The following NF1 variants were observed in gnomAD, a reference collection of about 807,000 sequenced individuals.
NF1 encodes the protein neurofibromin.
NF1 carries 122 observed loss-of-function variants against 325.7 expected under a neutral mutation model. That is an observed-to-expected ratio of 0.37 (90% CI 0.32 to 0.44). The LOEUF (loss-of-function observed/expected upper bound fraction) is 0.44. Among genes scored for constraint, NF1 ranks in the 20% least tolerant of loss-of-function variants. NF1 has a pLI of 1.00. For synonymous variants in NF1, 1,091 were observed against 1,186.0 expected (o/e 0.92, Z 1.65); for missense variants, 2,140 against 3,415.4 (o/e 0.63, Z 9.31).
intron 1 of NF1, chr17:31,137,935 T>A (rs1425711650): frequency 6.6e-6 from 1 of 152,180 alleles, no homozygotes; most frequent in Admixed American, 6.5e-5. Flanking sequence ...TGGTTTCTGT[T>A]ACGTTGTCAT....
intron 11 of NF1, 115 bp from the exon 12 acceptor site, chr17:31,206,125 T>C (rs1486460572): frequency 8.9e-6 from 10 of 1,121,996 alleles, no homozygotes; most frequent in Middle Eastern, 5.0e-4. Flanking sequence ...TGTGTTTGCA[T>C]GGTCTTAGAA....
chr17:31,171,817 T>G (rs938512623), intron 5 of NF1, among the ~76,000 whole-genome samples: 1 of 152,120 alleles, frequency 6.6e-6, no homozygotes, highest in Non-Finnish European at 1.5e-5. Flanking sequence ...TGAGAAACTA[T>G]GTATAAGAAG....
At chr17:31,201,250 A>T in intron 10 of NF1, 91 bp downstream of exon 10, 1 of 1,554,762 alleles carries the variant, frequency 6.4e-7, no homozygotes, top group Non-Finnish European at 8.8e-7. Context: ...GTTCACTTTT[A>T]TCGGTATTTC....
At chr17:31,272,810 C>G (rs749420135) in intron 36 of NF1, 1 of 152,170 alleles carries the variant, frequency 6.6e-6, no homozygotes, top group African/African-American at 2.4e-5. Context: ...ACTTGGATCA[C>G]AAATAGGCAA....
chr17:31,336,256 G>A lies in NF1; in HGVS notation c.6007-77G>A, dbSNP rs2151552899. 3 of 1,487,568 alleles carry A rather than the reference G, an allele frequency of 2.0e-6. No homozygotes were observed. The highest frequency in any genetic ancestry group is 1.4e-5 in the African/African-American group (1 of 71,388). The allele number at this position is 1,487,568 out of a possible 1,614,324, so 92.1% of individuals were successfully genotyped here. A position where few individuals can be genotyped will look rare whatever the true frequency, so the allele number is the denominator to read the frequency against. ...ATAGAATTTTCATATTGATTAGGCT[G>A]TTCCAATGAATATTTTTTAATTAAA... On this transcript the variant is annotated intron_variant, in intron 40 of 57. Transcript: ENST00000358273. The surrounding 1 kb of genome is among the most constrained non-coding windows in gnomAD (Gnocchi z 5.5).
rs199474735 is a variant in NF1 at position 31,200,503 on chromosome 17, T to G, written c.970T>G (p.Cys324Gly). ...RQLTESAAIA[C>G]VKLCKASTYI... ...GCTGACAGAAAGTGCTGCAATTGCC[T>G]GTGTCAAACTGTGTAAAGCAAGTAC... is the stretch of plus-strand genomic sequence containing the variant. Residue 324 changes from cysteine (C) to glycine (G), a missense_variant, in exon 9 of 58, where the codon TGT becomes GGT. This residue lies in a region of NF1 where 179 missense variants were observed against 381.0 expected (regional missense o/e 0.47). Transcript: ENST00000358273. The G allele has an allele frequency of 6.2e-7, 1 of 1,614,076 alleles. No homozygotes were observed. Among genetic ancestry groups the G allele is most frequent in the Non-Finnish European group, 8.5e-7 (1 of 1,180,024 alleles).
Position 31,119,592 on chromosome 17 carries a change from G to C in NF1, c.60+24223G>C, listed in dbSNP as rs918908810. Among the ~76,000 whole-genome samples, 3 of 151,766 alleles carry C rather than the reference G, an allele frequency of 2.0e-5. 1 individual carries two copies. Among genetic ancestry groups the C allele is most frequent in the Non-Finnish European group, 4.4e-5 (3 of 67,970 alleles). Reference sequence around the variant, plus strand: ...TTCACTCATGATAGTTTCTTTTGCTGTGCAGAAGCTCTTTAATTTAATTAG... The same window carrying C: ...TTCACTCATGATAGTTTCTTTTGCTCTGCAGAAGCTCTTTAATTTAATTAG... On this transcript the variant is annotated intron_variant, in intron 1 of 57. Transcript: ENST00000358273.
intron 57 of NF1, among the ~76,000 whole-genome samples, chr17:31,365,381 T>C (rs1253230323): frequency 2.0e-5 from 3 of 152,146 alleles, no homozygotes; most frequent in Non-Finnish European, 2.9e-5. Flanking sequence ...TCTTCTGATA[T>C]TCTTCAGAGG....
rs1006211465 is a variant in NF1 at position 31,152,546 on chromosome 17, C to T, written c.61-3437C>T. Among the ~76,000 whole-genome samples the T allele has an allele frequency of 2.1e-5, 3 of 143,954 alleles. No individual in the cohort carries two copies. In the South Asian group the frequency reaches 7.0e-4, roughly 33 times the overall value. 94.4% of individuals were successfully genotyped at this position (143,954 alleles called of 152,430 possible). On this transcript the variant is annotated intron_variant, in intron 1 of 57. Transcript: ENST00000358273. ...TTACAACTTTCCTCCTTAGTCCCCCCTTTTTTTTCAACATTTGTTTACTCT... is the reference window on the plus strand; with the variant it reads ...TTACAACTTTCCTCCTTAGTCCCCCTTTTTTTTTCAACATTTGTTTACTCT...
intron 8 of NF1, among the ~76,000 whole-genome samples, chr17:31,196,736 A>G (rs1567833334): frequency 6.6e-6 from 1 of 152,182 alleles, no homozygotes; most frequent in Non-Finnish European, 1.5e-5. Context: ...AAAAGGGTCC[A>G]TCTTCATTCT....
At chr17:31,263,661 A>G (rs1001283313) in intron 35 of NF1, among the ~76,000 whole-genome samples, 3 of 151,726 alleles carry the variant, frequency 2.0e-5, no homozygotes, top group African/African-American at 7.2e-5. Context: ...AATCCAATAT[A>G]TATAATATAC....
intron 36 of NF1, among the ~76,000 whole-genome samples, chr17:31,281,754 C>G (rs1325595991): frequency 1.3e-5 from 2 of 152,132 alleles, no homozygotes; most frequent in Non-Finnish European, 2.9e-5. Flanking sequence ...TGAAATTCAC[C>G]CTTTTTGAAG....
intron 36 of NF1, chr17:31,307,905 C>T: frequency 7.8e-7 from 1 of 1,289,194 alleles, no homozygotes; most frequent in South Asian, 1.2e-5. Flanking sequence ...CATATCTAAA[C>T]AGCATATCAT....
Position 31,308,352 on chromosome 17 carries a change from A to T in NF1, c.4836-17468A>T, listed in dbSNP as rs547226688. Among the ~76,000 whole-genome samples the T allele has an allele frequency of 2.6e-5, 4 of 151,938 alleles. No homozygotes were observed. The South Asian group carries it at 8.3e-4, about 32-fold the overall frequency. Reference sequence around the variant, plus strand: ...GACAGGGTTTCACCATGTTGTCCAGACCGGTCTCGAACTCCTGACCTCAAG... The same window carrying T: ...GACAGGGTTTCACCATGTTGTCCAGTCCGGTCTCGAACTCCTGACCTCAAG... On this transcript the variant is annotated intron_variant, in intron 36 of 57. Transcript: ENST00000358273.
In NF1 at chr17:31,365,278, C is replaced by CA. The variant is rs67659795; in HGVS notation, c.8377+4594dup. Among the ~76,000 whole-genome samples, 128 of 101,064 alleles carry CA rather than the reference C, an allele frequency of 1.3e-3. 2 individuals are homozygous for CA. The highest frequency in any genetic ancestry group is 4.8e-3 in the Middle Eastern group (1 of 210). The allele number at this position is 101,064 out of a possible 152,430, so 66.3% of individuals were successfully genotyped here. ...CCAGTCAGGGATTGAGAACCTATCT[C>CA]AAAAAAAAAAAAAAAAAAAGAAGGA... On this transcript the variant is annotated intron_variant, in intron 57 of 57. Transcript: ENST00000358273.
At chr17:31,340,847 C>CAAAAAA (rs1051607259) in intron 47 of NF1, among the ~76,000 whole-genome samples, 3 of 62,582 alleles carry the variant, frequency 4.8e-5, no homozygotes, top group Non-Finnish European at 7.3e-5. Flanking sequence ...ATAAAAATAG[C>CAAAAAA]AAAAAAAAAA....
rs745472917 is a variant in NF1 at position 31,360,565 on chromosome 17, G to C, written c.8239G>C (p.Asp2747His). Reference sequence around the variant, plus strand: ...GATTGACACGTACCTGCCTGGAATTGATGAAGAAACCAGTGAAGAATCCCT... The same window carrying C: ...GATTGACACGTACCTGCCTGGAATTCATGAAGAAACCAGTGAAGAATCCCT... Reference protein sequence around the residue: ...ALIDTYLPGIDEETSEESLLT... With the variant: ...ALIDTYLPGIHEETSEESLLT... The change falls in exon 57 of 58, where the codon GAT becomes CAT. Residue 2747 changes from aspartate (D) to histidine (H), a missense_variant. Physicochemically the swap from Asp to His is moderately conservative, Grantham distance 81. Transcript: ENST00000358273. The C allele has an allele frequency of 6.2e-7, 1 of 1,613,960 alleles. No homozygotes were observed. Among genetic ancestry groups the C allele is most frequent in the Non-Finnish European group, 8.5e-7 (1 of 1,180,012 alleles).
At chr17:31,189,606 C>T (rs1461862269) in intron 8 of NF1, among the ~76,000 whole-genome samples, 1 of 152,138 alleles carries the variant, frequency 6.6e-6, no homozygotes, top group Non-Finnish European at 1.5e-5. Context: ...TAATTCTAAA[C>T]TAGACATTTC....
At chr17:31,342,553 A>G (rs1188653752) in intron 47 of NF1, among the ~76,000 whole-genome samples, 1 of 152,044 alleles carries the variant, frequency 6.6e-6, no homozygotes, top group East Asian at 1.9e-4. Context: ...GTGCCACTGC[A>G]CTCCAGCCTG....
Sources: allele counts gnomAD v4.1 joint callset (sites outside exome capture counted in the v4.1 genomes callset), GRCh38; gene constraint gnomAD v4.1.1; regional missense constraint gnomAD v4.1.1; non-coding constraint Gnocchi (gnomAD v3.1); transcripts MANE v1.5; gene names NCBI Gene and HGNC (gene_info 2026-07-23, HGNC 2026-07-21).